Variants in EIF2B2 observed in about 807,000 individuals in gnomAD.
The protein encoded by EIF2B2 is translation initiation factor eIF2B subunit beta.
In EIF2B2, 34 loss-of-function variants were observed where a neutral mutation model predicts 34.7. That is an observed-to-expected ratio of 0.98 (90% CI 0.75 to 1.31). EIF2B2 has a LOEUF of 1.31. Ranked by LOEUF, EIF2B2 falls within the 50% of genes most tolerant of loss-of-function variation. The probability of loss-of-function intolerance (pLI) is 0.00; values close to 1 mark genes in which losing one functional copy is unlikely to be tolerated. For missense variants in EIF2B2, 361 were observed against 447.7 expected (o/e 0.81, Z 1.75); for synonymous variants, 155 against 171.6 (o/e 0.90, Z 0.76).
rs751634475 is a variant in EIF2B2, at chr14:75,003,297, C to T, written c.186C>T (p.Arg62=). The change falls in exon 2 of 8, where the codon CGC becomes CGT. Residue 62 remains arginine, a synonymous_variant. Coordinates refer to ENST00000266126, the MANE Select transcript of EIF2B2 (RefSeq NM_014239.4). ...SNAGELMELI[R]REGRRMTAAQ... ...TAGGGGAGCTGATGGAGCTGATCCG[C>T]AGAGAGGGCAGGAGGATGACGGCCG... 8 of 1,613,724 alleles carry T rather than the reference C, an allele frequency of 5.0e-6. No individual in the cohort carries two copies. Among genetic ancestry groups the T allele is most frequent in the South Asian group, 2.2e-5 (2 of 91,066 alleles).
intron 3 of EIF2B2, 63 bp downstream of exon 3, chr14:75,003,762 C>G (rs1220941166): frequency 3.1e-6 from 5 of 1,606,036 alleles, no homozygotes; most frequent in Non-Finnish European, 4.3e-6. Context: ...ACAGAAGCCT[C>G]TGAAGGTTGT....
In EIF2B2 at chr14:75,006,337, A is replaced by G; in HGVS notation, c.694-240A>G. 1.7e-6 allele frequency: 1 copy of G among 605,730 alleles called. No individual in the cohort carries two copies. 37.5% of individuals were successfully genotyped at this position (605,730 alleles called of 1,614,324 possible). On this transcript the variant is annotated intron_variant, in intron 5 of 7. Transcript: ENST00000266126. The surrounding 1 kb of genome is among the most constrained non-coding windows in gnomAD (Gnocchi z 4.1). ...GAAGGTATGGCATCTCAATTTCCAG[A>G]AAATATGGGACTGAGAGCAGTAGGT...
rs1269599351 is a variant in EIF2B2 at position 75,003,309 on chromosome 14, G to A, written c.198G>A (p.Arg66=). The A allele has an allele frequency of 1.9e-6, 3 of 1,613,964 alleles. No individual in the cohort carries two copies. The highest frequency in any genetic ancestry group is 1.7e-5 in the Admixed American group (1 of 60,004). The change falls in exon 2 of 8, where the codon AGG becomes AGA. Residue 66 remains arginine (R), a synonymous_variant. Coordinates refer to ENST00000266126, the MANE Select transcript of EIF2B2 (RefSeq NM_014239.4). Reference sequence around the variant, plus strand: ...TGGAGCTGATCCGCAGAGAGGGCAGGAGGATGACGGCCGCTCAGCCCTCCG... The same window carrying A: ...TGGAGCTGATCCGCAGAGAGGGCAGAAGGATGACGGCCGCTCAGCCCTCCG... The part of the protein sequence containing the change: ...ELMELIRREG[R]RMTAAQPSET...
rs1011875988 is a variant in EIF2B2 at position 75,011,113 on chromosome 14, C to T, written c.*1925C>T. 4 of 152,130 alleles carry T rather than the reference C, an allele frequency of 2.6e-5. No individual in the cohort carries two copies. Among genetic ancestry groups the T allele is most frequent in the African/African-American group, 7.2e-5 (3 of 41,438 alleles). The allele number at this position is 152,130 out of a possible 1,614,324, so 9.4% of individuals were successfully genotyped here. A position where few individuals can be genotyped will look rare whatever the true frequency, so the allele number is the denominator to read the frequency against. On this transcript the variant is annotated 3_prime_UTR_variant, in exon 8 of 8. Transcript: ENST00000266126. ...AGTCCCAGCTACTCGGGAGGCTGAA[C>T]TTGGGAAGTAGAGGTTGCAGTGAGC...
chr14:75,003,054 C>T lies in EIF2B2; in HGVS notation c.64C>T (p.Leu22=), dbSNP rs143091762. The change falls in exon 1 of 8, where the codon CTG becomes TTG. Residue 22 remains leucine (L), a synonymous_variant. Transcript: ENST00000266126. The part of the protein sequence containing the change: ...SERIESFVET[L]KRGGGPRSSE... ...GAGGATCGAGAGCTTCGTGGAGACCCTGAAGCGGGGTGGTGGGCCGCGCAG... is the reference window on the plus strand; with the variant it reads ...GAGGATCGAGAGCTTCGTGGAGACCTTGAAGCGGGGTGGTGGGCCGCGCAG... The T allele has an allele frequency of 1.2e-4, 201 of 1,614,112 alleles. No individual in the cohort carries two copies. The East Asian group carries it at 4.3e-3, about 35-fold the overall frequency.
In EIF2B2 at chr14:75,011,340, T is replaced by C. The variant is rs1889701771; in HGVS notation, c.*2152T>C. 1 of 152,252 alleles carries C rather than the reference T, an allele frequency of 6.6e-6. No individual in the cohort carries two copies. Among genetic ancestry groups the C allele is most frequent in the African/African-American group, 2.4e-5 (1 of 41,468 alleles). 9.4% of individuals were successfully genotyped at this position (152,252 alleles called of 1,614,324 possible). A position where few individuals can be genotyped will look rare whatever the true frequency, so the allele number is the denominator to read the frequency against. On this transcript the variant is annotated 3_prime_UTR_variant, in exon 8 of 8. Coordinates refer to ENST00000266126, the MANE Select transcript of EIF2B2 (RefSeq NM_014239.4). ...TTTCCGGTTTTTAACCTAAAAAGTC[T>C]CCCAGGTGATCCAGATTTTCTGCCA... is the stretch of plus-strand genomic sequence containing the variant.
rs1889625390 is a variant in EIF2B2, at chr14:75,006,299, T to A, written c.694-278T>A. The A allele has an allele frequency of 3.6e-6, 2 of 556,994 alleles. No homozygotes were observed. Among genetic ancestry groups the A allele is most frequent in the Non-Finnish European group, 6.4e-6 (2 of 313,572 alleles). 34.5% of individuals were successfully genotyped at this position (556,994 alleles called of 1,614,324 possible). On this transcript the variant is annotated intron_variant, in intron 5 of 7. Coordinates refer to ENST00000266126, the MANE Select transcript of EIF2B2 (RefSeq NM_014239.4). The surrounding 1 kb of genome is among the most constrained non-coding windows in gnomAD (Gnocchi z 4.1). ...GTTGTGGATAGTGAATGAAAAAGAT[T>A]CCTGGCTTCTCAGAAGGTATGGCAT...
At chr14:75,004,090 C>G (rs1232024841) in intron 3 of EIF2B2, among the ~76,000 whole-genome samples, 1 of 152,202 alleles carries the variant, frequency 6.6e-6, no homozygotes, top group Admixed American at 6.5e-5. Flanking sequence ...AAGTGACTTG[C>G]AGATATTCAT....
chr14:75,003,402 C>T lies in EIF2B2; in HGVS notation c.284+7C>T. The T allele has an allele frequency of 6.2e-7, 1 of 1,613,772 alleles. No homozygotes were observed. The highest frequency in any genetic ancestry group is 8.5e-7 in the Non-Finnish European group (1 of 1,179,992). ...TCCGGGAGGAGTATGGCAGGTCAGG[C>T]TCACGTCCTGGGCTCCTGGTTGGAT... On this transcript the variant is annotated splice_region_variant and intron_variant, in intron 2 of 7. Coordinates refer to ENST00000266126, the MANE Select transcript of EIF2B2 (RefSeq NM_014239.4).
rs1188332183 is a variant in EIF2B2 at position 75,009,773 on chromosome 14, G to GTTTGAGGCTTC, written c.*595_*596insCTTTGAGGCTT. 1 of 155,662 alleles carries GTTTGAGGCTTC rather than the reference G, an allele frequency of 6.4e-6. No individual in the cohort carries two copies. The highest frequency in any genetic ancestry group is 2.4e-5 in the African/African-American group (1 of 41,286). The allele number at this position is 155,662 out of a possible 1,614,324, so 9.6% of individuals were successfully genotyped here. ...TTTGGGAGGCTGAGGTGGGAGGCTT[G>GTTTGAGGCTTC]TTTGAGGCTTGTTTGAGGCCTGGAG... On this transcript the variant is annotated 3_prime_UTR_variant, in exon 8 of 8. Coordinates refer to ENST00000266126, the MANE Select transcript of EIF2B2 (RefSeq NM_014239.4).
rs763584691 is a variant in EIF2B2, at chr14:75,003,073, C to T, written c.83C>T (p.Pro28Leu). ...GAGACCCTGAAGCGGGGTGGTGGGC[C>T]GCGCAGCTCCGAGGAAATGGCTCGG... ...FVETLKRGGG[P>L]RSSEEMARET... is the part of the protein sequence containing the mutation. The change falls in exon 1 of 8, where the codon CCG (proline) becomes CTG (leucine). Residue 28 changes from proline (P) to leucine (L), a missense_variant. By Grantham distance (98) the Pro-to-Leu change is moderately conservative. Transcript: ENST00000266126. 1.2e-6 allele frequency: 2 copies of T among 1,614,016 alleles called. No homozygotes were observed. The highest frequency in any genetic ancestry group is 1.7e-6 in the Non-Finnish European group (2 of 1,180,004).
chr14:75,003,263 T>C lies in EIF2B2; in HGVS notation c.164-12T>C. ...CGTTGGCTCCTCTTATCCTCTCTCT[T>C]TTGGACTGTAGGGGAGCTGATGGAG... is the stretch of plus-strand genomic sequence containing the variant. On this transcript the variant is annotated splice_polypyrimidine_tract_variant and intron_variant, in intron 1 of 7. Coordinates refer to ENST00000266126, the MANE Select transcript of EIF2B2 (RefSeq NM_014239.4). 6.2e-7 allele frequency: 1 copy of C among 1,613,404 alleles called. No individual in the cohort carries two copies. The highest frequency in any genetic ancestry group is 1.7e-5 in the Admixed American group (1 of 59,996).
intron 6 of EIF2B2, chr14:75,007,343 C>T (rs1889641962): frequency 2.9e-6 from 1 of 346,490 alleles, no homozygotes; most frequent in Admixed American, 4.1e-5. Context: ...CCTATTTGTC[C>T]TTCTCCCCAT....
rs1889604515 is a variant in EIF2B2 at position 75,004,871 on chromosome 14, A to G, written c.568A>G (p.Ile190Val). The change falls in exon 4 of 8, where the codon ATT (isoleucine) becomes GTT (valine). Residue 190 changes from isoleucine to valine, a missense_variant. Transcript: ENST00000266126. ...TGCCCGAAAGAGGAAATTCCATGTC[A>G]TTGTAGCAGAGTGTGCTCCTTTCTG... ...EAARKRKFHV[I>V]VAECAPFCQG... is the part of the protein sequence containing the mutation. 1.2e-6 allele frequency: 2 copies of G among 1,612,890 alleles called. No homozygotes were observed. Among genetic ancestry groups the G allele is most frequent in the South Asian group, 1.1e-5 (1 of 91,036 alleles).
In EIF2B2 at chr14:75,006,595, A is replaced by G; in HGVS notation, c.712A>G (p.Thr238Ala). 1 of 1,614,088 alleles carries G rather than the reference A, an allele frequency of 6.2e-7. No individual in the cohort carries two copies. Among genetic ancestry groups the G allele is most frequent in the South Asian group, 1.1e-5 (1 of 91,082 alleles). ...CCCAAAGGTGATCATTGGCACGAAG[A>G]CCATCCTGGCCAATGGGGCCCTGAG... ...RVNKVIIGTK[T>A]ILANGALRAV... Residue 238 changes from threonine (T) to alanine (A), a missense_variant, in exon 6 of 8, where the codon ACC becomes GCC. Transcript: ENST00000266126. This position sits in a 1 kb window ranked among gnomAD's most constrained non-coding sequence, Gnocchi z 4.1.
chr14:75,006,584 T>C lies in EIF2B2; in HGVS notation c.701T>C (p.Ile234Thr). The C allele has an allele frequency of 1.2e-6, 2 of 1,614,058 alleles. No homozygotes were observed. Among genetic ancestry groups the C allele is most frequent in the Non-Finnish European group, 1.7e-6 (2 of 1,180,036 alleles). Reference sequence around the variant, plus strand: ...TTTTGTCTTGTCCCAAAGGTGATCATTGGCACGAAGACCATCCTGGCCAAT... The same window carrying C: ...TTTTGTCTTGTCCCAAAGGTGATCACTGGCACGAAGACCATCCTGGCCAAT... Reference protein sequence around the residue: ...AVMSRVNKVIIGTKTILANGA... With the variant: ...AVMSRVNKVITGTKTILANGA... Residue 234 changes from isoleucine to threonine, a missense_variant, in exon 6 of 8, where the codon ATT becomes ACT. Physicochemically the swap from Ile to Thr is moderately conservative, Grantham distance 89. Transcript: ENST00000266126. The surrounding 1 kb of genome is among the most constrained non-coding windows in gnomAD (Gnocchi z 4.1).
chr14:75,010,128 T>TGAG lies in EIF2B2; in HGVS notation c.*941_*943dup, dbSNP rs1889685269. 6.6e-6 allele frequency: 1 copy of TGAG among 152,234 alleles called. No individual in the cohort carries two copies. Among genetic ancestry groups the TGAG allele is most frequent in the South Asian group, 2.1e-4 (1 of 4,832 alleles). The allele number at this position is 152,234 out of a possible 1,614,324, so 9.4% of individuals were successfully genotyped here. On this transcript the variant is annotated 3_prime_UTR_variant, in exon 8 of 8. Coordinates refer to ENST00000266126, the MANE Select transcript of EIF2B2 (RefSeq NM_014239.4). ...AACCTCGCTGATCATCAGAATCACC[T>TGAG]GAGAGTGATTCCGATCACTCACTCA... is the stretch of plus-strand genomic sequence containing the variant.
Position 75,006,746 on chromosome 14 carries a change from C to T in EIF2B2, c.831+32C>T. On this transcript the variant is annotated intron_variant, in intron 6 of 7. Coordinates refer to ENST00000266126, the MANE Select transcript of EIF2B2 (RefSeq NM_014239.4). This position sits in a 1 kb window ranked among gnomAD's most constrained non-coding sequence, Gnocchi z 4.1. ...GTGTCTGTCTCTAGCTAGAAGCCAG[C>T]AGAAAAGAAGGAAGCCAAAGGGTAG... 1 of 1,613,724 alleles carries T rather than the reference C, an allele frequency of 6.2e-7. No individual in the cohort carries two copies. Among genetic ancestry groups the T allele is most frequent in the East Asian group, 2.2e-5 (1 of 44,884 alleles).
chr14:75,004,689 A>ATATATATATATATATATTTATTTTTT, intron 3 of EIF2B2, 48 bp from the exon 4 acceptor site: 1 of 146,204 alleles, frequency 6.8e-6, no homozygotes, highest in African/African-American at 7.2e-5. Context: ...ATATATATAT[A>ATATATATATATATATATTTATTTTTT]TTTTTTTTTT....
Sources: gnomAD v4.1 joint callset for allele counts (sites outside exome capture counted in the v4.1 genomes callset) on GRCh38, gnomAD v4.1.1 for gene constraint, Gnocchi (gnomAD v3.1) non-coding constraint, MANE v1.5 for transcripts, NCBI Gene and HGNC (gene_info 2026-07-23, HGNC 2026-07-21) for gene names.